N4BP2L2: variants seen among roughly 807,000 people sequenced by gnomAD.
N4BP2L2 encodes NEDD4-binding protein 2-like 2.
Under a neutral mutation model 56.2 loss-of-function variants are expected in N4BP2L2, and 50 were observed. The ratio of observed to expected loss-of-function variants is 0.89; its 90% CI spans 0.71 to 1.13. The LOEUF is 1.13. Ranked by LOEUF, N4BP2L2 falls within the 50% of genes most tolerant of loss-of-function variation. N4BP2L2 has a pLI of 0.00. For missense variants in N4BP2L2, 689 were observed against 693.8 expected, an observed-to-expected ratio of 0.99 and a Z score of 0.08; for synonymous variants, 203 against 223.6, an observed-to-expected ratio of 0.91 and a Z score of 0.82.
chr13:32,459,809 G>A (rs910334893), intron 6 of N4BP2L2, among the ~76,000 whole-genome samples: 1 of 151,976 alleles, frequency 6.6e-6, no homozygotes, highest in Non-Finnish European at 1.5e-5. Context: ...CTTTCTATAA[G>A]GCCAGGATTA....
chr13:32,459,452 T>C (rs1245377565), intron 6 of N4BP2L2, among the ~76,000 whole-genome samples: 2 of 151,738 alleles, frequency 1.3e-5, no homozygotes, highest in Non-Finnish European at 2.9e-5. Context: ...GACATAACAA[T>C]GATACCACCA....
chr13:32,527,642 A>G (rs2053435772), intron 2 of N4BP2L2, 110 bp from the exon 3 acceptor site: 2 of 1,230,810 alleles, frequency 1.6e-6, no homozygotes, highest in Non-Finnish European at 2.3e-6. Flanking sequence ...AGGAAAGGTT[A>G]TTAAATGGAT....
intron 3 of N4BP2L2, 71 bp downstream of exon 3, chr13:32,527,337 T>C: frequency 1.3e-6 from 2 of 1,545,170 alleles, no homozygotes; most frequent in Non-Finnish European, 1.8e-6. Flanking sequence ...AAACCTAAGC[T>C]GAAAATAAAA....
At chr13:32,509,541 C>A (rs777493396), downstream of N4BP2L2, 2 of 152,100 alleles carry the variant, frequency 1.3e-5, no homozygotes, top group Non-Finnish European at 2.9e-5. Flanking sequence ...GAATAAAGCT[C>A]CTAGGACACA....
At chr13:32,517,226 G>C in exon 6 of N4BP2L2, 3 of 985,728 alleles carry the variant, frequency 3.0e-6, no homozygotes, top group Non-Finnish European at 3.6e-6. Context: ...AAACTCCCCA[G>C]GTGACTGATA....
intron 2 of N4BP2L2, among the ~76,000 whole-genome samples, chr13:32,533,929 C>G (rs117048282): frequency 3.8e-4 from 58 of 152,296 alleles, no homozygotes; most frequent in Non-Finnish European, 6.9e-4. Context: ...TAAAGAGGTA[C>G]AGACCAGGAT....
intron 6 of N4BP2L2, among the ~76,000 whole-genome samples, chr13:32,482,159 C>T (rs1158607425): frequency 6.6e-6 from 1 of 152,146 alleles, no homozygotes; most frequent in Non-Finnish European, 1.5e-5. Flanking sequence ...CAATACCCTG[C>T]AGGATGCTAG....
At chr13:32,516,735 G>A (rs1384750839) in exon 6 of N4BP2L2, 8 of 249,930 alleles carry the variant, frequency 3.2e-5, no homozygotes, top group Non-Finnish European at 5.1e-5. Flanking sequence ...AATCAAAACT[G>A]TTGAAGAAAT....
chr13:32,534,241 A>T (rs139151578), intron 2 of N4BP2L2, among the ~76,000 whole-genome samples: 2 of 152,226 alleles, frequency 1.3e-5, no homozygotes, highest in Non-Finnish European at 2.9e-5. Context: ...ATAAATATAC[A>T]TATTATATCT....
intron 6 of N4BP2L2, among the ~76,000 whole-genome samples, chr13:32,497,382 T>C (rs922324403): frequency 4.1e-4 from 62 of 152,226 alleles, no homozygotes; most frequent in African/African-American, 1.5e-3. Context: ...TCCCAAGATT[T>C]TAGTTTTTAA....
downstream of N4BP2L2, chr13:32,506,454 T>C (rs1001208853): frequency 1.5e-4 from 23 of 152,180 alleles, no homozygotes; most frequent in African/African-American, 3.9e-4. Context: ...TATTCACTTA[T>C]TGTATGAATA....
exon 6 of N4BP2L2, chr13:32,515,565 G>A (rs958354839): frequency 2.0e-5 from 3 of 152,040 alleles, no homozygotes; most frequent in African/African-American, 4.8e-5. Context: ...TGGTAATGAC[G>A]AATGATCTCT....
intron 6 of N4BP2L2, chr13:32,446,564 TAA>T: frequency 7.9e-7 from 1 of 1,265,804 alleles, no homozygotes; most frequent in Admixed American, 2.4e-5. Context: ...ACTAATGACG[TAA>T]GAGACTCACT....
chr13:32,499,831 A>G (rs938335664), intron 6 of N4BP2L2, among the ~76,000 whole-genome samples: 3 of 152,160 alleles, frequency 2.0e-5, no homozygotes, highest in Non-Finnish European at 4.4e-5. Context: ...GTACCTTTAA[A>G]TCAGTCCATC....
At chr13:32,485,038 C>T (rs2139217051) in intron 6 of N4BP2L2, among the ~76,000 whole-genome samples, 1 of 152,288 alleles carries the variant, frequency 6.6e-6, no homozygotes, top group South Asian at 2.1e-4. Flanking sequence ...CATCTTGGTA[C>T]ACTGCTACAA....
In N4BP2L2 at chr13:32,500,191, A is replaced by G. The variant is rs1439545083; in HGVS notation, c.365+17666T>C. The stretch of plus-strand genomic sequence containing the variant: ...GTCTACCTTGCTCCCAAAAGAATTC[A>G]TATGACCAAACACATTTCTTGGAAG... On this transcript the variant is annotated intron_variant, in intron 6 of 9. Coordinates refer to the N4BP2L2 transcript ENST00000357505. 3.3e-5 allele frequency among the ~76,000 whole-genome samples: 5 copies of G among 152,234 alleles called. No individual in the cohort carries two copies. In the East Asian group the frequency reaches 7.7e-4, roughly 24 times the overall value.
At chr13:32,438,701 T>C (rs200704954) in exon 8 of N4BP2L2, 188 of 1,610,998 alleles carry the variant, frequency 1.2e-4, no homozygotes, top group Non-Finnish European at 5.9e-5. Context: ...TGTCTTCCAG[T>C]CAAGGGGAAC....
At chr13:32,438,882 A>G (rs2075835178) in intron 7 of N4BP2L2, 3 of 607,464 alleles carry the variant, frequency 4.9e-6, no homozygotes, top group Non-Finnish European at 8.7e-6. Context: ...CTAAAGCTGG[A>G]GTTTGTCTCA....
chr13:32,518,790 A>C (rs1266658910), intron 5 of N4BP2L2, among the ~76,000 whole-genome samples: 2 of 152,284 alleles, frequency 1.3e-5, no homozygotes, highest in East Asian at 3.9e-4. Flanking sequence ...GTGATAGCTA[A>C]ACGTGTGTTG....
Sources: gnomAD v4.1 joint callset for allele counts (sites outside exome capture counted in the v4.1 genomes callset) on GRCh38, gnomAD v4.1.1 for gene constraint, MANE v1.5 for transcripts, NCBI Gene and HGNC (gene_info 2026-07-23, HGNC 2026-07-21) for gene names.